RAF1: variants seen among roughly 807,000 people sequenced by gnomAD.
RAF1 encodes the protein RAF proto-oncogene serine/threonine-protein kinase.
In RAF1, 27 loss-of-function variants were observed where a neutral mutation model predicts 81.1. The ratio of observed to expected loss-of-function variants is 0.33; its 90% confidence interval spans 0.25 to 0.46. RAF1 has a LOEUF of 0.46. Among genes scored for constraint, RAF1 ranks in the 20% least tolerant of loss-of-function variants. The probability of loss-of-function intolerance (pLI) is 1.00; values close to 1 mark genes in which losing one functional copy is unlikely to be tolerated. For synonymous variants in RAF1, 298 were observed against 294.0 expected (o/e 1.01, Z -0.14); for missense variants, 598 against 826.0 (o/e 0.72, Z 3.38).
At chr3:12,621,147 T>C (rs1227909512) in intron 1 of RAF1, among the ~76,000 whole-genome samples, 1 of 152,190 alleles carries the variant, frequency 6.6e-6, no homozygotes, top group Non-Finnish European at 1.5e-5. Flanking sequence ...CCAATCATTA[T>C]CCACCTTAAT....
intron 1 of RAF1, among the ~76,000 whole-genome samples, chr3:12,654,550 G>A (rs2060627822): frequency 6.6e-6 from 1 of 151,390 alleles, no homozygotes; most frequent in Non-Finnish European, 1.5e-5. Flanking sequence ...TACGGTGAGT[G>A]GAGATCGCAC....
intron 15 of RAF1, 109 bp downstream of exon 14, chr3:12,585,572 A>G (rs1017461385): frequency 7.4e-6 from 10 of 1,352,694 alleles, no homozygotes; most frequent in Non-Finnish European, 1.0e-5. Context: ...ACTAGGGGTC[A>G]TGTGGATTTC....
intron 11 of RAF1, among the ~76,000 whole-genome samples, chr3:12,595,109 C>G (rs1353900034): frequency 6.6e-6 from 1 of 152,140 alleles, no homozygotes; most frequent in African/African-American, 2.4e-5. Flanking sequence ...GCTCTGTCAC[C>G]GAGGCTGGAG....
chr3:12,629,270 C>T (rs1230395742), intron 1 of RAF1, among the ~76,000 whole-genome samples: 1 of 152,026 alleles, frequency 6.6e-6, no homozygotes, highest in African/African-American at 2.4e-5. Flanking sequence ...CATGAAAAAA[C>T]ACAAACACTT....
At chr3:12,600,704 GGTGTGCACCA>G in intron 8 of RAF1, among the ~76,000 whole-genome samples, 1 of 152,196 alleles carries the variant, frequency 6.6e-6, no homozygotes, top group Non-Finnish European at 1.5e-5. Flanking sequence ...TGGGATTACA[GGTGTGCACCA>G]GCACGCCCGG....
chr3:12,629,447 A>G (rs1390593997), intron 1 of RAF1, among the ~76,000 whole-genome samples: 1 of 152,268 alleles, frequency 6.6e-6, no homozygotes, highest in Non-Finnish European at 1.5e-5. Flanking sequence ...CTAATGTATT[A>G]GCTAATACAG....
At chr3:12,587,922 T>G in intron 13 of RAF1, 1 of 184,764 alleles carries the variant, frequency 5.4e-6, no homozygotes, top group Non-Finnish European at 1.0e-5. Context: ...TCCTCCCACC[T>G]CCCAGTAGCC....
intron 1 of RAF1, among the ~76,000 whole-genome samples, chr3:12,641,896 C>T (rs2060198717): frequency 2.0e-5 from 3 of 152,220 alleles, no homozygotes; most frequent in South Asian, 2.1e-4. Flanking sequence ...GTGGCTCACG[C>T]CTGTAATCCC....
chr3:12,608,159 T>A (rs2059100695), intron 5 of RAF1, among the ~76,000 whole-genome samples: 1 of 152,150 alleles, frequency 6.6e-6, no homozygotes, highest in South Asian at 2.1e-4. Flanking sequence ...ACTTTTCATA[T>A]ACCTAGTTAC....
At chr3:12,650,511 T>C (rs1380082117) in intron 1 of RAF1, among the ~76,000 whole-genome samples, 9 of 152,150 alleles carry the variant, frequency 5.9e-5, no homozygotes, top group Non-Finnish European at 1.3e-4. Flanking sequence ...TTTTCATGAA[T>C]ACCGAATCAC....
chr3:12,606,995 G>A (rs1035172999), intron 5 of RAF1, among the ~76,000 whole-genome samples: 1 of 152,052 alleles, frequency 6.6e-6, no homozygotes, highest in Non-Finnish European at 1.5e-5. Context: ...CCGGCCCAGT[G>A]TGCATTTCTA....
At position 12,663,934 on chromosome 3, in the gene RAF1, G is replaced by A. The variant is rs1437384677; in HGVS notation, c.-148C>T. Reference sequence around the variant, plus strand: ...CATTCGGCGCGTCCCCAGCCCAGGGGACGGAGCCCCGAGCAGCCCCCGCAT... The same window carrying A: ...CATTCGGCGCGTCCCCAGCCCAGGGAACGGAGCCCCGAGCAGCCCCCGCAT... On this transcript the variant is annotated 5_prime_UTR_variant, in exon 1 of 18. Coordinates refer to ENST00000442415, the MANE Select transcript of RAF1 (RefSeq NM_001354689.3). 2.5e-6 allele frequency: 1 copy of A among 398,374 alleles called. No homozygotes were observed. The highest frequency in any genetic ancestry group is 4.4e-6 in the Non-Finnish European group (1 of 225,854). The allele number at this position is 398,374 out of a possible 1,614,324, so 24.7% of individuals were successfully genotyped here.
intron 6 of RAF1, 134 bp downstream of exon 6, chr3:12,606,067 G>A (rs2059018709): frequency 1.5e-6 from 1 of 670,236 alleles, no homozygotes; most frequent in African/African-American, 1.8e-5. Flanking sequence ...CCAGTATCAA[G>A]TTCCACAGAA....
chr3:12,618,651 CCAT>C lies in RAF1; in HGVS notation c.68_70del (p.Asp23del), dbSNP rs749549707. On this transcript the variant is annotated inframe_deletion, in exon 2 of 18. Transcript: ENST00000442415. ...TATTGTAGGAGAGATGCAGCTGGAG[CCAT>C]CAAACACGGCATCTTTGAATCCAAA... The C allele has an allele frequency of 5.0e-6, 8 of 1,614,144 alleles. No individual in the cohort carries two copies. Among genetic ancestry groups the C allele is most frequent in the Non-Finnish European group, 6.8e-6 (8 of 1,180,036 alleles).
At position 12,618,568 on chromosome 3, in the gene RAF1, A is replaced by G. The variant is rs2059448160; in HGVS notation, c.154T>C (p.Ser52Pro). 1 of 1,614,156 alleles carries G rather than the reference A, an allele frequency of 6.2e-7. No individual in the cohort carries two copies. The highest frequency in any genetic ancestry group is 1.7e-5 in the Admixed American group (1 of 60,016). ...ACACGGATAGTGTTGCTTGTCTTAG[A>G]AGGATCTGTGAGTTTGCCATCATCT... The change falls in exon 2 of 18, where the codon TCT (serine) becomes CCT (proline). Residue 52 changes from serine (S) to proline (P), a missense_variant. Transcript: ENST00000442415.
chr3:12,648,451 C>A (rs951691657), intron 1 of RAF1, among the ~76,000 whole-genome samples: 2 of 152,146 alleles, frequency 1.3e-5, no homozygotes, highest in Non-Finnish European at 2.9e-5. Flanking sequence ...AATTAGCCCT[C>A]CTCAAAGATA....
At chr3:12,646,495 T>C (rs759068738) in intron 1 of RAF1, among the ~76,000 whole-genome samples, 1 of 151,936 alleles carries the variant, frequency 6.6e-6, no homozygotes, top group African/African-American at 2.4e-5. Flanking sequence ...TACCTCATCC[T>C]CCTGAGTGGC....
Position 12,584,276 on chromosome 3 carries a change from T to C in RAF1, c.*238A>G, listed in dbSNP as rs2058243495. ...TCTACAGAAGGCTGGGCCTTGAGCA[T>C]GGGGAATGTGGGGAGGGAGCAGGAC... is the stretch of plus-strand genomic sequence containing the variant. On this transcript the variant is annotated 3_prime_UTR_variant, in exon 18 of 18. Coordinates refer to ENST00000442415, the MANE Select transcript of RAF1 (RefSeq NM_001354689.3). 3.6e-6 allele frequency: 2 copies of C among 555,598 alleles called. 1 individual carries two copies. Among genetic ancestry groups the C allele is most frequent in the Middle Eastern group, 9.9e-4 (2 of 2,028 alleles). 34.4% of individuals were successfully genotyped at this position (555,598 alleles called of 1,614,324 possible).
chr3:12,589,796 T>TG (rs1450272648), intron 13 of RAF1: 2 of 150,338 alleles, frequency 1.3e-5, no homozygotes, highest in South Asian at 2.1e-4. Context: ...TTTTTGGGTT[T>TG]TTTTTTTTTT....
Sources: allele counts gnomAD v4.1 joint callset (sites outside exome capture counted in the v4.1 genomes callset), GRCh38; gene constraint gnomAD v4.1.1; transcripts MANE v1.5; gene names NCBI Gene and HGNC (gene_info 2026-07-23, HGNC 2026-07-21).